NRG3: variants seen among roughly 807,000 people sequenced by gnomAD.
NRG3 encodes the protein pro-neuregulin-3, membrane-bound isoform.
Under a neutral mutation model 66.9 loss-of-function variants are expected in NRG3, and 31 were observed. The observed-to-expected ratio is 0.46, with a 90% confidence interval of 0.35 to 0.63. The LOEUF (loss-of-function observed/expected upper bound fraction) is 0.63. Among genes scored for constraint, NRG3 ranks in the 20% least tolerant of loss-of-function variants. NRG3 has a pLI of 0.00. For synonymous variants in NRG3, 393 were observed against 359.4 expected, an observed-to-expected ratio of 1.09 and a Z score of -1.06; for missense variants, 910 against 878.9, an observed-to-expected ratio of 1.04 and a Z score of -0.45.
chr10:82,437,380 C>T (rs1268959434), intron 2 of NRG3, among the ~76,000 whole-genome samples: 2 of 151,838 alleles, frequency 1.3e-5, no homozygotes, highest in Non-Finnish European at 2.9e-5. Context: ...TGTTTTTCGG[C>T]TTCATCAGGT....
At chr10:82,218,130 G>A (rs1250595468) in intron 1 of NRG3, among the ~76,000 whole-genome samples, 2 of 152,116 alleles carry the variant, frequency 1.3e-5, no homozygotes, top group Non-Finnish European at 2.9e-5. Flanking sequence ...TAATCTACAT[G>A]TGAGATATCA....
intron 1 of NRG3, among the ~76,000 whole-genome samples, chr10:82,055,471 C>T (rs1159817072): frequency 5.3e-5 from 6 of 112,448 alleles, no homozygotes; most frequent in South Asian, 5.6e-4. Flanking sequence ...AGTGAGACTC[C>T]GTCTCAAAAA....
chr10:82,843,224 T>A (rs2063147344), intron 3 of NRG3: 1 of 454,548 alleles, frequency 2.2e-6, no homozygotes. Flanking sequence ...ATTATAACAG[T>A]ATTACGAAGT....
chr10:82,099,609 T>G (rs1219312720), intron 1 of NRG3, among the ~76,000 whole-genome samples: 1 of 152,166 alleles, frequency 6.6e-6, no homozygotes, highest in Non-Finnish European at 1.5e-5. Context: ...TACAATAAAC[T>G]CTACTGGTAC....
intron 1 of NRG3, among the ~76,000 whole-genome samples, chr10:82,053,270 CAT>C (rs1388562978): frequency 6.6e-6 from 1 of 151,954 alleles, no homozygotes; most frequent in Non-Finnish European, 1.5e-5. Context: ...GGTTCTCATT[CAT>C]ATAAAGTCCA....
intron 1 of NRG3, among the ~76,000 whole-genome samples, chr10:82,296,243 C>G (rs1286813775): frequency 6.6e-6 from 1 of 152,144 alleles, no homozygotes; most frequent in Non-Finnish European, 1.5e-5. Flanking sequence ...AGTAGTGGTG[C>G]TACTAATGTT....
intron 2 of NRG3, among the ~76,000 whole-genome samples, chr10:82,612,754 T>G (rs189154816): frequency 2.0e-5 from 3 of 152,330 alleles, no homozygotes; most frequent in African/African-American, 7.2e-5. Flanking sequence ...GTCATATTTT[T>G]GTAATGTACA....
intron 1 of NRG3, among the ~76,000 whole-genome samples, chr10:82,326,983 T>C (rs1406040740): frequency 1.3e-5 from 2 of 152,192 alleles, no homozygotes; most frequent in East Asian, 3.8e-4. Flanking sequence ...TCTTAATTAG[T>C]AAAGGCTAGT....
At chr10:82,201,820 T>C (rs1465515391) in intron 1 of NRG3, among the ~76,000 whole-genome samples, 2 of 152,172 alleles carry the variant, frequency 1.3e-5, no homozygotes, top group African/African-American at 2.4e-5. Context: ...GCAAAGTGTA[T>C]TTTACTTCAC....
chr10:82,230,231 G>A (rs901964910), intron 1 of NRG3: 9 of 152,094 alleles, frequency 5.9e-5, no homozygotes, highest in Admixed American at 1.3e-4. Flanking sequence ...ACAGTCATCC[G>A]TTGGTATCTT....
intron 1 of NRG3, among the ~76,000 whole-genome samples, chr10:82,315,396 A>G (rs948695690): frequency 3.3e-5 from 5 of 152,228 alleles, no homozygotes; most frequent in Non-Finnish European, 7.3e-5. Context: ...TAAAATAAGC[A>G]TAGCAATCAA....
At position 82,237,198 on chromosome 10, in the gene NRG3, C is replaced by T. The variant is rs538879369; in HGVS notation, c.824-121541C>T. 2.6e-5 allele frequency among the ~76,000 whole-genome samples: 4 copies of T among 152,250 alleles called. No homozygotes were observed. In the South Asian group the frequency reaches 8.3e-4, roughly 32 times the overall value. On this transcript the variant is annotated intron_variant, in intron 1 of 8. Transcript: ENST00000372141. ...TTCACAGTATACCAGGCTCCAGGTC[C>T]CATGAACTGATGTCAGTAGCTTTTA...
intron 1 of NRG3, among the ~76,000 whole-genome samples, chr10:82,162,539 GTAAATCTTTC>G (rs1361423374): frequency 6.6e-6 from 1 of 152,084 alleles, no homozygotes; most frequent in Non-Finnish European, 1.5e-5. Context: ...TTTGGGCAGA[GTAAATCTTTC>G]TAAAGACAAG....
chr10:82,715,444 G>A (rs1046520735), intron 2 of NRG3, among the ~76,000 whole-genome samples: 2 of 152,148 alleles, frequency 1.3e-5, no homozygotes, highest in Non-Finnish European at 2.9e-5. Flanking sequence ...TCCCTCCTCT[G>A]CTGGAGTCCT....
intron 1 of NRG3, among the ~76,000 whole-genome samples, chr10:81,974,403 G>C (rs537684497): frequency 6.6e-6 from 1 of 152,252 alleles, no homozygotes; most frequent in Non-Finnish European, 1.5e-5. Flanking sequence ...TGTTATGACT[G>C]TGGCATAGTA....
chr10:82,630,372 T>C lies in NRG3; in HGVS notation c.954-108205T>C, dbSNP rs1365649318. Among the ~76,000 whole-genome samples, 305 of 125,652 alleles carry C rather than the reference T, an allele frequency of 2.4e-3. 1 individual carries two copies. Among genetic ancestry groups the C allele is most frequent in the Admixed American group, 5.2e-3 (64 of 12,212 alleles). 82.4% of individuals were successfully genotyped at this position (125,652 alleles called of 152,430 possible). A position where few individuals can be genotyped will look rare whatever the true frequency, so the allele number is the denominator to read the frequency against. ...ATGGTTTTCTTTTTTTTTTTTTTTTTCAGATAAAAATAGCAGTAACTAATT... is the reference window on the plus strand; with the variant it reads ...ATGGTTTTCTTTTTTTTTTTTTTTTCCAGATAAAAATAGCAGTAACTAATT... On this transcript the variant is annotated intron_variant, in intron 2 of 8. Coordinates refer to ENST00000372141, the MANE Select transcript of NRG3 (RefSeq NM_001010848.4).
chr10:82,388,464 G>C (rs1199129019), intron 2 of NRG3, among the ~76,000 whole-genome samples: 1 of 152,082 alleles, frequency 6.6e-6, no homozygotes, highest in South Asian at 2.1e-4. Context: ...TGTGAGACAG[G>C]TAATTTGCTA....
At chr10:82,303,232 G>C (rs1306911999) in intron 1 of NRG3, among the ~76,000 whole-genome samples, 3 of 151,998 alleles carry the variant, frequency 2.0e-5, no homozygotes, top group Non-Finnish European at 4.4e-5. Flanking sequence ...CTATAGTCCA[G>C]AATACTTTAA....
At position 82,187,338 on chromosome 10, in the gene NRG3, A is replaced by C. The variant is rs1005267284; in HGVS notation, c.824-171401A>C. On this transcript the variant is annotated intron_variant, in intron 1 of 8. Coordinates refer to ENST00000372141, the MANE Select transcript of NRG3 (RefSeq NM_001010848.4). Reference sequence around the variant, plus strand: ...TTTAATTCGCTTCTTATATGCCATTAAGGCATCGTTGCCTCTGGATATTTA... The same window carrying C: ...TTTAATTCGCTTCTTATATGCCATTCAGGCATCGTTGCCTCTGGATATTTA... 2.6e-5 allele frequency among the ~76,000 whole-genome samples: 4 copies of C among 152,150 alleles called. No individual in the cohort carries two copies. The East Asian group carries it at 7.7e-4, about 29-fold the overall frequency.
Sources: allele counts gnomAD v4.1 joint callset (sites outside exome capture counted in the v4.1 genomes callset), GRCh38; gene constraint gnomAD v4.1.1; transcripts MANE v1.5; gene names NCBI Gene and HGNC (gene_info 2026-07-23, HGNC 2026-07-21).